The following TRIM29 variants were observed in gnomAD, a reference collection of about 807,000 sequenced individuals.
TRIM29 encodes tripartite motif-containing protein 29.
A neutral mutation model predicts 57.3 loss-of-function variants in TRIM29; 52 were observed. That is an observed-to-expected ratio of 0.91 (90% confidence interval 0.73 to 1.14). The LOEUF is 1.14. Among genes scored for constraint, TRIM29 ranks in the 50% most tolerant of loss-of-function variants. TRIM29 has a pLI of 0.00. For missense variants in TRIM29, 753 were observed against 774.6 expected (o/e 0.97, Z 0.33); for synonymous variants, 319 against 316.9 (o/e 1.01, Z -0.07).
intron 4 of TRIM29, chr11:120,123,976 C>T (rs938268492): frequency 1.2e-5 from 2 of 160,532 alleles, no homozygotes; most frequent in Admixed American, 1.2e-4. Context: ...AGGCTAGCAT[C>T]GGGGAGGAGT....
intron 1 of TRIM29, among the ~76,000 whole-genome samples, chr11:120,136,802 A>T (rs1322767132): frequency 6.6e-6 from 1 of 151,744 alleles, no homozygotes; most frequent in East Asian, 2.0e-4. Flanking sequence ...AAAAAAAAAA[A>T]AATAAAAGAA....
At chr11:120,125,592 G>A in intron 4 of TRIM29, 99 bp downstream of exon 4, 1 of 1,329,756 alleles carries the variant, frequency 7.5e-7, no homozygotes, top group Non-Finnish European at 1.0e-6. Flanking sequence ...GGAACAATGA[G>A]AAGAAGCTCA....
rs2134980943 is a variant in TRIM29 at position 120,115,210 on chromosome 11, CCTT to C, written c.1704+125_1704+127del. On this transcript the variant is annotated intron_variant, in intron 8 of 8. Transcript: ENST00000341846. ...ACAGGTATTCAGGCCACTGCTGCCT[CCTT>C]CTCCTCCACCCCATGGCCCAGAGAA... 2.4e-5 allele frequency: 21 copies of C among 893,114 alleles called. No homozygotes were observed. The South Asian group carries it at 3.1e-4, about 13-fold the overall frequency. 55.3% of individuals were successfully genotyped at this position (893,114 alleles called of 1,614,324 possible). A position where few individuals can be genotyped will look rare whatever the true frequency, so the allele number is the denominator to read the frequency against.
At chr11:120,121,590 G>A (rs1200768713) in intron 5 of TRIM29, 2 of 169,126 alleles carry the variant, frequency 1.2e-5, no homozygotes, top group African/African-American at 4.7e-5. Context: ...CTGACTCACA[G>A]TGCAGAGCTG....
rs866521339 is a variant in TRIM29, at chr11:120,137,778, G to A, written c.254C>T (p.Ser85Phe). ...WRRPIIQFVE[S>F]GDDKNSNYFS... is the part of the protein sequence containing the mutation. ...GTAGTTGGAGTTCTTGTCGTCCCCG[G>A]ACTCGACAAACTGGATGATGGGTCG... The change falls in exon 1 of 9, where the codon TCC becomes TTC. Residue 85 changes from serine to phenylalanine, a missense_variant. Coordinates refer to ENST00000341846, the MANE Select transcript of TRIM29 (RefSeq NM_012101.4). The surrounding 1 kb of genome is among the most constrained non-coding windows in gnomAD (Gnocchi z 6.2). 3.7e-6 allele frequency: 6 copies of A among 1,612,122 alleles called. No homozygotes were observed. In the African/African-American group the frequency reaches 8.0e-5, roughly 22 times the overall value.
Position 120,115,319 on chromosome 11 carries a change from C to G in TRIM29, c.1704+19G>C. 3.1e-6 allele frequency: 5 copies of G among 1,610,900 alleles called. No individual in the cohort carries two copies. Among genetic ancestry groups the G allele is most frequent in the Non-Finnish European group, 4.2e-6 (5 of 1,178,698 alleles). Reference sequence around the variant, plus strand: ...GGTCTCTGGATGTGCCCAGGCCCTCCCGGCAGCACTTCCCTTACCAGCATA... The same window carrying G: ...GGTCTCTGGATGTGCCCAGGCCCTCGCGGCAGCACTTCCCTTACCAGCATA... On this transcript the variant is annotated intron_variant, in intron 8 of 8. Transcript: ENST00000341846.
At position 120,112,396 on chromosome 11, in the gene TRIM29, G is replaced by A. The variant is rs755185348; in HGVS notation, c.*18C>T. The stretch of plus-strand genomic sequence containing the variant: ...AGGAAGAGCAGGGGTGTGGCGCCTC[G>A]TTCCTTCCGCCAGGAGCTCATGGGG... On this transcript the variant is annotated 3_prime_UTR_variant, in exon 9 of 9. Coordinates refer to ENST00000341846, the MANE Select transcript of TRIM29 (RefSeq NM_012101.4). 4.4e-5 allele frequency: 71 copies of A among 1,613,122 alleles called. No homozygotes were observed. Among genetic ancestry groups the A allele is most frequent in the African/African-American group, 8.0e-5 (6 of 74,842 alleles).
chr11:120,115,335 T>C lies in TRIM29; in HGVS notation c.1704+3A>G. On this transcript the variant is annotated splice_donor_region_variant and intron_variant, in intron 8 of 8. Coordinates refer to ENST00000341846, the MANE Select transcript of TRIM29 (RefSeq NM_012101.4). Reference sequence around the variant, plus strand: ...CAGGCCCTCCCGGCAGCACTTCCCTTACCAGCATAGTCTGCTTGCCAGATT... The same window carrying C: ...CAGGCCCTCCCGGCAGCACTTCCCTCACCAGCATAGTCTGCTTGCCAGATT... 1 of 1,613,066 alleles carries C rather than the reference T, an allele frequency of 6.2e-7. No homozygotes were observed. Among genetic ancestry groups the C allele is most frequent in the Admixed American group, 1.7e-5 (1 of 59,904 alleles).
intron 5 of TRIM29, 38 bp downstream of exon 5, chr11:120,122,916 G>A (rs771668281): frequency 1.9e-6 from 3 of 1,587,322 alleles, no homozygotes; most frequent in South Asian, 1.1e-5. Flanking sequence ...TGGGCAGCAG[G>A]AGAGACACTA....
intron 1 of TRIM29, among the ~76,000 whole-genome samples, chr11:120,133,387 T>G (rs926381228): frequency 2.0e-5 from 3 of 152,236 alleles, no homozygotes; most frequent in Non-Finnish European, 2.9e-5. Context: ...CATCTACAAG[T>G]AGGACATGCT....
At chr11:120,132,075 C>T (rs948628515) in intron 1 of TRIM29, among the ~76,000 whole-genome samples, 2 of 151,542 alleles carry the variant, frequency 1.3e-5, no homozygotes, top group African/African-American at 4.9e-5. Context: ...TCAAGAGGCG[C>T]ACCTAGAGGT....
At position 120,127,324 on chromosome 11, in the gene TRIM29, G is replaced by T; in HGVS notation, c.1134+12C>A. ...AATCGAGGGCTTGAGTGACAGAGGA[G>T]TGGCTTGTTACCTGCAGAAACAACA... is the stretch of plus-strand genomic sequence containing the variant. On this transcript the variant is annotated intron_variant, in intron 3 of 8. Transcript: ENST00000341846. 6.2e-7 allele frequency: 1 copy of T among 1,612,138 alleles called. No homozygotes were observed. Among genetic ancestry groups the T allele is most frequent in the Non-Finnish European group, 8.5e-7 (1 of 1,178,512 alleles).
chr11:120,120,514 C>T lies in TRIM29; in HGVS notation c.1528+59G>A, dbSNP rs1863411830. On this transcript the variant is annotated intron_variant, in intron 6 of 8. Transcript: ENST00000341846. ...TGCCCCTGGACCCACCTCTATGCCCCTCCTGCCTGCACAGCCCCACATGAA... is the reference window on the plus strand; with the variant it reads ...TGCCCCTGGACCCACCTCTATGCCCTTCCTGCCTGCACAGCCCCACATGAA... 5.9e-6 allele frequency: 9 copies of T among 1,518,812 alleles called. No homozygotes were observed. In the South Asian group the frequency reaches 9.5e-5, roughly 16 times the overall value. 94.1% of individuals were successfully genotyped at this position (1,518,812 alleles called of 1,614,324 possible). A position where few individuals can be genotyped will look rare whatever the true frequency, so the allele number is the denominator to read the frequency against.
intron 8 of TRIM29, among the ~76,000 whole-genome samples, chr11:120,113,843 T>C (rs373891923): frequency 1.6e-3 from 247 of 152,122 alleles, no homozygotes; most frequent in South Asian, 5.2e-3. Context: ...GTCAATAATA[T>C]GGGTTGCAGG....
At position 120,111,340 on chromosome 11, in the gene TRIM29, C is replaced by T. The variant is rs924786731; in HGVS notation, c.*1074G>A. On this transcript the variant is annotated 3_prime_UTR_variant, in exon 9 of 9. Coordinates refer to ENST00000341846, the MANE Select transcript of TRIM29 (RefSeq NM_012101.4). ...AAAGCCCAAGCTGGATGTCTCCCTC[C>T]CCAACCCCTGCAAGCTGGCCCATCC... is the stretch of plus-strand genomic sequence containing the variant. 6.6e-6 allele frequency: 1 copy of T among 152,542 alleles called. No individual in the cohort carries two copies. The highest frequency in any genetic ancestry group is 2.4e-5 in the African/African-American group (1 of 41,460). 9.4% of individuals were successfully genotyped at this position (152,542 alleles called of 1,614,324 possible).
chr11:120,127,264 G>A, intron 3 of TRIM29, 72 bp downstream of exon 3: 1 of 1,325,616 alleles, frequency 7.5e-7, no homozygotes, highest in Non-Finnish European at 1.1e-6. Context: ...TGGATGGATG[G>A]ATGTTGGAGG....
intron 3 of TRIM29, 48 bp downstream of exon 3, chr11:120,127,288 G>T: frequency 1.3e-6 from 2 of 1,572,766 alleles, no homozygotes; most frequent in African/African-American, 1.3e-5. Context: ...GTCTCAAAAA[G>T]TGGATTGTGA....
At position 120,137,211 on chromosome 11, in the gene TRIM29, G is replaced by A. The variant is rs1252121466; in HGVS notation, c.804+17C>T. 1 of 1,612,204 alleles carries A rather than the reference G, an allele frequency of 6.2e-7. No individual in the cohort carries two copies. The highest frequency in any genetic ancestry group is 1.1e-5 in the South Asian group (1 of 91,002). ...AGAGGAGAGGCCTGGAGGGGCAGGA[G>A]GGGCCCCAGCACTTACCTCCTTCTC... is the stretch of plus-strand genomic sequence containing the variant. On this transcript the variant is annotated intron_variant, in intron 1 of 8. Transcript: ENST00000341846. The surrounding 1 kb of genome is among the most constrained non-coding windows in gnomAD (Gnocchi z 6.2).
At chr11:120,131,584 T>A (rs1164354090) in intron 1 of TRIM29, among the ~76,000 whole-genome samples, 1 of 151,916 alleles carries the variant, frequency 6.6e-6, no homozygotes, top group Non-Finnish European at 1.5e-5. Flanking sequence ...AGGGGCCTTG[T>A]TCCCACAGCA....
Sources: gnomAD v4.1 joint callset for allele counts (sites outside exome capture counted in the v4.1 genomes callset) on GRCh38, gnomAD v4.1.1 for gene constraint, Gnocchi (gnomAD v3.1) non-coding constraint, MANE v1.5 for transcripts, NCBI Gene and HGNC (gene_info 2026-07-23, HGNC 2026-07-21) for gene names.